Variants in PROM1 observed in about 807,000 individuals in gnomAD.
The protein encoded by PROM1 is prominin 1.
A neutral mutation model predicts 116.9 loss-of-function variants in PROM1; 105 were observed. That is an observed-to-expected ratio of 0.90 (90% CI 0.77 to 1.06). PROM1 has a LOEUF of 1.06. Among genes scored for constraint, PROM1 ranks in the 50% least tolerant of loss-of-function variants. PROM1 has a pLI of 0.00. For synonymous variants in PROM1, 393 were observed against 387.0 expected, an observed-to-expected ratio of 1.02 and a Z score of -0.18; for missense variants, 1,122 against 1,045.2, an observed-to-expected ratio of 1.07 and a Z score of -1.01.
At position 16,066,913 on chromosome 4, in the gene PROM1, G is replaced by T. The variant is rs28550447; in HGVS notation, c.220+8774C>A. Among the ~76,000 whole-genome samples the T allele has an allele frequency of 2.2e-3, 329 of 152,238 alleles. 3 individuals carry two copies. The highest frequency in any genetic ancestry group is 7.6e-3 in the African/African-American group (316 of 41,540). ...TTCCCAGCTGTGCATAGCCCGCCTC[G>T]ATTATTTATGTAGGGCAAGATAGGA... is the stretch of plus-strand genomic sequence containing the variant. On this transcript the variant is annotated intron_variant, in intron 2 of 27. Transcript: ENST00000447510.
intron 14 of PROM1, among the ~76,000 whole-genome samples, chr4:15,998,919 A>G (rs28421727): frequency 0.95 from 144,024 of 152,056 alleles, 68,320 homozygotes; most frequent in Middle Eastern, 0.98. Context: ...TAGTAGAAAC[A>G]GCATTTCACC....
chr4:16,077,800 G>C (rs1183427486), intron 1 of PROM1, among the ~76,000 whole-genome samples: 1 of 152,160 alleles, frequency 6.6e-6, no homozygotes, highest in Non-Finnish European at 1.5e-5. Flanking sequence ...TCTTCTCCAA[G>C]TGTGTGTTGT....
chr4:16,068,032 G>A (rs1741930861), intron 2 of PROM1, among the ~76,000 whole-genome samples: 1 of 152,144 alleles, frequency 6.6e-6, no homozygotes, highest in Admixed American at 6.5e-5. Flanking sequence ...GGACTGCAGG[G>A]GTGCAGGAAG....
At chr4:15,978,918 C>A (rs1032599752) in intron 26 of PROM1, among the ~76,000 whole-genome samples, 1 of 151,492 alleles carries the variant, frequency 6.6e-6, no homozygotes, top group Non-Finnish European at 1.5e-5. Flanking sequence ...AATGTAAATT[C>A]ATAAAGATTT....
chr4:16,023,321 C>G lies in PROM1; in HGVS notation c.784+5G>C, dbSNP rs1227114221. On this transcript the variant is annotated splice_donor_5th_base_variant and intron_variant, in intron 8 of 27. Coordinates refer to ENST00000447510, the MANE Select transcript of PROM1 (RefSeq NM_006017.3). ...TTTCTTTGGTCATTTTTGCCCACTG[C>G]TTACCTGTTGCCATGGACTTAATCT... is the stretch of plus-strand genomic sequence containing the variant. The G allele has an allele frequency of 6.3e-7, 1 of 1,593,164 alleles. No homozygotes were observed.
intron 2 of PROM1, among the ~76,000 whole-genome samples, chr4:16,049,656 A>T (rs984860138): frequency 2.0e-5 from 3 of 151,980 alleles, no homozygotes; most frequent in Non-Finnish European, 4.4e-5. Context: ...GTTTGTCATA[A>T]GAAACTTACC....
At chr4:16,069,659 G>A (rs942678027) in intron 2 of PROM1, among the ~76,000 whole-genome samples, 4 of 152,130 alleles carry the variant, frequency 2.6e-5, no homozygotes, top group Admixed American at 1.3e-4. Flanking sequence ...ATCTGTTGAG[G>A]AGAATGTAAG....
At chr4:16,014,818 A>G (rs905745674) in intron 10 of PROM1, among the ~76,000 whole-genome samples, 1 of 152,242 alleles carries the variant, frequency 6.6e-6, no homozygotes, top group Non-Finnish European at 1.5e-5. Context: ...TTGCATACTC[A>G]GTATCTATTA....
intron 10 of PROM1, among the ~76,000 whole-genome samples, chr4:16,013,566 T>C (rs1560484851): frequency 1.3e-5 from 2 of 152,242 alleles, no homozygotes; most frequent in African/African-American, 2.4e-5. Context: ...GTTTTTCATA[T>C]AGGGGGTCCC....
intron 1 of PROM1, chr4:16,076,550 G>GAA (rs1743992334): frequency 6.6e-6 from 1 of 152,520 alleles, no homozygotes; most frequent in African/African-American, 2.4e-5. Context: ...CTTGCCCAAG[G>GAA]TCACAGGTGA....
chr4:16,056,805 G>A (rs965743640), intron 2 of PROM1, among the ~76,000 whole-genome samples: 1 of 152,162 alleles, frequency 6.6e-6, no homozygotes, highest in African/African-American at 2.4e-5. Flanking sequence ...CAGGGGTTTG[G>A]GGCTACTACT....
Position 16,038,841 on chromosome 4 carries a change from A to C in PROM1, c.276+105T>G. 3 of 1,151,190 alleles carry C rather than the reference A, an allele frequency of 2.6e-6. No homozygotes were observed. In the South Asian group the frequency reaches 5.8e-5, roughly 22 times the overall value. 71.3% of individuals were successfully genotyped at this position (1,151,190 alleles called of 1,614,324 possible). On this transcript the variant is annotated intron_variant, in intron 3 of 27. Coordinates refer to ENST00000447510, the MANE Select transcript of PROM1 (RefSeq NM_006017.3). The stretch of plus-strand genomic sequence containing the variant: ...GTTCTTAGTCAAAAAAGATTACTAA[A>C]ATTGCAGATTGAATAACTGGTTATT...
rs62290904 is a variant in PROM1 at position 16,077,016 on chromosome 4, A to C, written c.-212-898T>G. On this transcript the variant is annotated intron_variant, in intron 1 of 27. Transcript: ENST00000447510. ...CAGGTATTGTCCAAGGTTTCTCCCC[A>C]TGTGATAGTCTGAAATATGGCCTCG... is the stretch of plus-strand genomic sequence containing the variant. 9.3e-3 allele frequency among the ~76,000 whole-genome samples: 1,423 copies of C among 152,324 alleles called. 11 individuals are homozygous for C. Among genetic ancestry groups the C allele is most frequent in the Non-Finnish European group, 0.016 (1,055 of 68,026 alleles).
intron 2 of PROM1, among the ~76,000 whole-genome samples, chr4:16,041,481 G>T (rs1246891082): frequency 6.6e-6 from 1 of 152,000 alleles, no homozygotes; most frequent in African/African-American, 2.4e-5. Flanking sequence ...ATCTTTACTT[G>T]GAAGAAAAGT....
chr4:16,039,047 T>C, intron 2 of PROM1, 46 bp from the exon 3 acceptor site: 5 of 1,406,368 alleles, frequency 3.6e-6, no homozygotes, highest in Non-Finnish European at 4.7e-6. Flanking sequence ...TTCAGTAAAA[T>C]TATAAAATGC....
At position 15,993,974 on chromosome 4, in the gene PROM1, GAGTTCT is replaced by G. The variant is rs1721686564; in HGVS notation, c.1767+7_1767+12del. 5.0e-6 allele frequency: 8 copies of G among 1,609,826 alleles called. No individual in the cohort carries two copies. Among genetic ancestry groups the G allele is most frequent in the Non-Finnish European group, 6.8e-6 (8 of 1,176,990 alleles). On this transcript the variant is annotated splice_region_variant and intron_variant, in intron 16 of 27. Coordinates refer to ENST00000447510, the MANE Select transcript of PROM1 (RefSeq NM_006017.3). ...GAATGTGTTATGTCGATTCCATGAC[GAGTTCT>G]AATTACCTCATTAATGTTGAGATGT...
intron 2 of PROM1, among the ~76,000 whole-genome samples, chr4:16,071,563 A>C (rs145462390): frequency 1.6e-4 from 24 of 152,272 alleles, no homozygotes; most frequent in African/African-American, 5.5e-4. Context: ...TTCATGATGG[A>C]ATTAGTGCCT....
At position 15,989,830 on chromosome 4, in the gene PROM1, A is replaced by G. The variant is rs1273056879; in HGVS notation, c.1984-6T>C. On this transcript the variant is annotated splice_region_variant and splice_polypyrimidine_tract_variant and intron_variant, in intron 18 of 27. Transcript: ENST00000447510. ...TTCCTCAAATTTCCTGGGGGCTACA[A>G]AAAGAATAAAAAACAAAGATCAATA... 1.3e-6 allele frequency: 2 copies of G among 1,579,278 alleles called. No individual in the cohort carries two copies. Among genetic ancestry groups the G allele is most frequent in the Non-Finnish European group, 1.7e-6 (2 of 1,156,802 alleles).
intron 18 of PROM1, 39 bp from the exon 19 acceptor site, chr4:15,989,863 TC>T: frequency 6.7e-7 from 1 of 1,495,358 alleles, no homozygotes; most frequent in Non-Finnish European, 9.2e-7. Flanking sequence ...ATACCATCTT[TC>T]CAGACTCAAA....
Sources: allele counts gnomAD v4.1 joint callset (sites outside exome capture counted in the v4.1 genomes callset), GRCh38; gene constraint gnomAD v4.1.1; transcripts MANE v1.5; gene names NCBI Gene and HGNC (gene_info 2026-07-23, HGNC 2026-07-21).